Variants in CHRDL1 observed in about 807,000 individuals in gnomAD.
CHRDL1 encodes chordin like 1.
Under a neutral mutation model 40.9 loss-of-function variants are expected in CHRDL1, and 19 were observed. The ratio of observed to expected loss-of-function variants is 0.46; its 90% CI spans 0.32 to 0.68. The LOEUF (loss-of-function observed/expected upper bound fraction) is 0.68, where lower values mean the gene tolerates loss of function less well. Ranked by LOEUF, CHRDL1 falls within the 30% of genes least tolerant of loss-of-function variation. CHRDL1 has a pLI of 0.03. For synonymous variants in CHRDL1, 136 were observed against 123.4 expected, an observed-to-expected ratio of 1.10 and a Z score of -0.68; for missense variants, 329 against 352.1, an observed-to-expected ratio of 0.93 and a Z score of 0.53.
intron 7 of CHRDL1, among the ~76,000 whole-genome samples, chrX:110,697,813 TCCACACACACACACAC>T (rs1184072130): frequency 5.8e-4 from 18 of 31,157 alleles, no homozygotes; most frequent in African/African-American, 1.6e-3. Context: ...ACCACACCAC[TCCACACACACACACAC>T]ACACACACAC....
intron 3 of CHRDL1, among the ~76,000 whole-genome samples, 174 bp downstream of exon 3, chrX:110,762,521 C>T (rs1192320439): frequency 8.9e-6 from 1 of 111,961 alleles, no homozygotes; most frequent in African/African-American, 3.2e-5. Flanking sequence ...AAGTGATCCA[C>T]ATGCCTCAGC....
chrX:110,781,641 A>G (rs2089945075), intron 2 of CHRDL1, among the ~76,000 whole-genome samples: 1 of 111,162 alleles, frequency 9.0e-6, no homozygotes, highest in African/African-American at 3.3e-5. Context: ...TAAAAGATAA[A>G]GACCACCGAA....
intron 6 of CHRDL1, among the ~76,000 whole-genome samples, chrX:110,712,926 A>G (rs2070771053): frequency 9.0e-6 from 1 of 111,047 alleles, no homozygotes; most frequent in Non-Finnish European, 1.9e-5. Context: ...GGTATTATGT[A>G]GCATGTATAA....
intron 4 of CHRDL1, 68 bp downstream of exon 4, chrX:110,759,593 T>G: frequency 5.4e-6 from 4 of 743,460 alleles, no homozygotes; most frequent in Non-Finnish European, 6.4e-6. Flanking sequence ...ATTATGGAGA[T>G]GAGTTGAGTT....
intron 6 of CHRDL1, among the ~76,000 whole-genome samples, chrX:110,715,813 T>C (rs2070831134): frequency 8.9e-6 from 1 of 112,697 alleles, no homozygotes; most frequent in South Asian, 3.7e-4. Context: ...CAACCACATG[T>C]ACACCTCTGC....
chrX:110,749,602 T>C (rs1283787455), intron 4 of CHRDL1, among the ~76,000 whole-genome samples: 1 of 111,919 alleles, frequency 8.9e-6, no homozygotes, highest in Non-Finnish European at 1.9e-5. Context: ...ACTACTTTGA[T>C]GGCCAAAAAT....
intron 4 of CHRDL1, among the ~76,000 whole-genome samples, chrX:110,733,244 A>G (rs1259046898): frequency 9.0e-6 from 1 of 111,101 alleles, no homozygotes; most frequent in African/African-American, 3.3e-5. Context: ...CACCCCAAAG[A>G]CTGGAGTTCC....
chrX:110,691,759 C>G (rs1313187155), intron 8 of CHRDL1, among the ~76,000 whole-genome samples: 1 of 111,629 alleles, frequency 9.0e-6, no homozygotes, highest in East Asian at 2.8e-4. Context: ...ACTGGACACT[C>G]TAACTGGTCA....
chrX:110,788,112 C>T (rs1464280221), intron 2 of CHRDL1, among the ~76,000 whole-genome samples: 1 of 112,439 alleles, frequency 8.9e-6, no homozygotes, highest in Non-Finnish European at 1.9e-5. Context: ...AGGACCTTTT[C>T]CCAGCTAAAG....
chrX:110,792,131 C>A lies in CHRDL1; in HGVS notation c.51G>T (p.Leu17Phe), dbSNP rs746823285. ...MGGMKYIFSL[L>F]FFLLLEGGKT... ...TGCCTCCTTCTAGCAAAAGAAAGAA[C>A]AACAACGAAAAGATGTATTTCATGC... The change falls in exon 2 of 12, where the codon TTG becomes TTT. Residue 17 changes from leucine (L) to phenylalanine (F), a missense_variant. Physicochemically the swap from Leu to Phe is conservative, Grantham distance 22 (BLOSUM62 0). Coordinates refer to ENST00000372042, the MANE Select transcript of CHRDL1 (RefSeq NM_001143981.2). The A allele has an allele frequency of 8.3e-7, 1 of 1,203,789 alleles. No individual in the cohort carries two copies. The highest frequency in any genetic ancestry group is 1.8e-5 in the South Asian group (1 of 56,117).
intron 1 of CHRDL1, among the ~76,000 whole-genome samples, chrX:110,792,983 A>T: frequency 8.9e-6 from 1 of 112,523 alleles, no homozygotes; most frequent in Non-Finnish European, 1.9e-5. Flanking sequence ...TGAGATTGGC[A>T]TTCCCAGTAT....
chrX:110,768,533 C>T (rs755687222), intron 2 of CHRDL1, among the ~76,000 whole-genome samples: 1 of 110,733 alleles, frequency 9.0e-6, no homozygotes, highest in South Asian at 3.9e-4. Context: ...TGGGCACCAT[C>T]CAATTTGCTG....
intron 7 of CHRDL1, among the ~76,000 whole-genome samples, chrX:110,694,819 A>G (rs1160486644): frequency 8.9e-6 from 1 of 112,066 alleles, no homozygotes; most frequent in Non-Finnish European, 1.9e-5. Flanking sequence ...ACTTTTTTAC[A>G]GGCAGAAGTT....
intron 2 of CHRDL1, among the ~76,000 whole-genome samples, chrX:110,773,619 T>C (rs1463387290): frequency 1.9e-5 from 2 of 104,399 alleles, no homozygotes; most frequent in Non-Finnish European, 3.9e-5. Flanking sequence ...TCCCAGCTAC[T>C]AGGGAGGCTG....
At chrX:110,749,847 G>A (rs1232737845) in intron 4 of CHRDL1, among the ~76,000 whole-genome samples, 1 of 112,015 alleles carries the variant, frequency 8.9e-6, no homozygotes, top group African/African-American at 3.3e-5. Flanking sequence ...AAACTCTTTG[G>A]CTCTAGGCAA....
At chrX:110,699,815 C>G (rs766469839) in intron 7 of CHRDL1, among the ~76,000 whole-genome samples, 4 of 112,359 alleles carry the variant, frequency 3.6e-5, no homozygotes, top group South Asian at 7.5e-4. Context: ...CACACCAAGT[C>G]CCTAGTAGAC....
chrX:110,713,691 T>C (rs1331763506), intron 6 of CHRDL1, among the ~76,000 whole-genome samples: 1 of 112,581 alleles, frequency 8.9e-6, no homozygotes, highest in Non-Finnish European at 1.9e-5. Flanking sequence ...ACTCAACTTT[T>C]CTGCCTTAGC....
At chrX:110,788,385 G>A (rs1602431062) in intron 2 of CHRDL1, among the ~76,000 whole-genome samples, 1 of 111,581 alleles carries the variant, frequency 9.0e-6, no homozygotes, top group South Asian at 3.8e-4. Context: ...GAGCATCTTT[G>A]ACCATAATGG....
At chrX:110,773,545 G>A (rs918119941) in intron 2 of CHRDL1, among the ~76,000 whole-genome samples, 1 of 109,556 alleles carries the variant, frequency 9.1e-6, no homozygotes, top group East Asian at 2.8e-4. Flanking sequence ...TGGCTAACAC[G>A]GTGAAATCCC....
Sources: allele counts gnomAD v4.1 joint callset (sites outside exome capture counted in the v4.1 genomes callset), GRCh38; gene constraint gnomAD v4.1.1; transcripts MANE v1.5; gene names NCBI Gene and HGNC (gene_info 2026-07-23, HGNC 2026-07-21).